The following NRG1 variants were observed in gnomAD, a reference collection of about 807,000 sequenced individuals.
The protein encoded by NRG1 is pro-neuregulin-1, membrane-bound isoform.
In NRG1, 18 loss-of-function variants were observed where a neutral mutation model predicts 63.8. That is an observed-to-expected ratio of 0.28 (90% CI 0.19 to 0.42). The LOEUF (loss-of-function observed/expected upper bound fraction) is 0.42, where lower values mean the gene tolerates loss of function less well. Among genes scored for constraint, NRG1 ranks in the 10% least tolerant of loss-of-function variants. NRG1 has a pLI of 1.00. For synonymous variants in NRG1, 302 were observed against 301.3 expected (o/e 1.00, Z -0.02); for missense variants, 762 against 814.7 (o/e 0.94, Z 0.79).
At chr8:31,889,741 A>C (rs1054228490) in intron 1 of NRG1, among the ~76,000 whole-genome samples, 2 of 152,208 alleles carry the variant, frequency 1.3e-5, no homozygotes, top group Non-Finnish European at 2.9e-5. Flanking sequence ...AACAATCTGC[A>C]TGGGAGGGCA....
intron 1 of NRG1, among the ~76,000 whole-genome samples, chr8:31,783,847 A>T (rs1819933299): frequency 6.6e-6 from 1 of 152,214 alleles, no homozygotes; most frequent in Non-Finnish European, 1.5e-5. Context: ...CATAATTGCT[A>T]AAAATATTAC....
chr8:32,128,535 G>A (rs375306796), intron 1 of NRG1, among the ~76,000 whole-genome samples: 4 of 151,946 alleles, frequency 2.6e-5, no homozygotes, highest in South Asian at 2.1e-4. Flanking sequence ...GAAGTTTCAC[G>A]TAAAATTACA....
chr8:32,700,400 A>T (rs1328119202), intron 5 of NRG1, among the ~76,000 whole-genome samples: 1 of 152,226 alleles, frequency 6.6e-6, no homozygotes. Context: ...CAAATGATCC[A>T]GTCAGGTCGA....
intron 1 of NRG1, among the ~76,000 whole-genome samples, chr8:31,791,983 T>C (rs1039293197): frequency 6.6e-6 from 1 of 151,968 alleles, no homozygotes; most frequent in African/African-American, 2.4e-5. Flanking sequence ...CTCCAAGGAG[T>C]TGTGATGGAA....
At chr8:32,513,844 T>A (rs1202526981) in intron 1 of NRG1, among the ~76,000 whole-genome samples, 1 of 152,158 alleles carries the variant, frequency 6.6e-6, no homozygotes, top group Non-Finnish European at 1.5e-5. Context: ...AGTATTGGTT[T>A]TGCAGTTTTA....
At chr8:32,595,267 G>A (rs1009896960) in intron 1 of NRG1, among the ~76,000 whole-genome samples, 3 of 151,938 alleles carry the variant, frequency 2.0e-5, no homozygotes, top group Admixed American at 2.0e-4. Flanking sequence ...ATGGCTCACT[G>A]CAGCATTGAC....
At chr8:31,706,503 T>C (rs778301102) in intron 1 of NRG1, among the ~76,000 whole-genome samples, 3 of 152,206 alleles carry the variant, frequency 2.0e-5, no homozygotes, top group Non-Finnish European at 4.4e-5. Flanking sequence ...TTTGATATTA[T>C]AAACAATACT....
chr8:32,272,965 C>T (rs1276953645), intron 1 of NRG1, among the ~76,000 whole-genome samples: 3 of 152,152 alleles, frequency 2.0e-5, no homozygotes, highest in Non-Finnish European at 4.4e-5. Context: ...GTTCAGAGGG[C>T]TGGAGCGTTG....
chr8:32,750,840 A>C (rs1183597422), intron 7 of NRG1, among the ~76,000 whole-genome samples: 2 of 151,796 alleles, frequency 1.3e-5, no homozygotes, highest in African/African-American at 4.8e-5. Context: ...GAGCACCTCT[A>C]TTACTAGGGA....
At chr8:32,122,758 A>G (rs1039151831) in intron 1 of NRG1, among the ~76,000 whole-genome samples, 11 of 151,678 alleles carry the variant, frequency 7.3e-5, no homozygotes, top group Non-Finnish European at 5.9e-5. Flanking sequence ...ATATCTCCCA[A>G]TGCTATCCCT....
At chr8:32,156,408 C>G (rs763696794) in intron 1 of NRG1, among the ~76,000 whole-genome samples, 2 of 152,144 alleles carry the variant, frequency 1.3e-5, no homozygotes, top group Non-Finnish European at 2.9e-5. Flanking sequence ...TCATGTCATA[C>G]TTTTTAGATT....
chr8:32,260,308 AT>A (rs1850224423), intron 1 of NRG1, among the ~76,000 whole-genome samples: 1 of 152,216 alleles, frequency 6.6e-6, no homozygotes, highest in Admixed American at 6.5e-5. Context: ...GTCCTAGATA[AT>A]TTTGAAGTCT....
At chr8:31,855,938 GC>G (rs1289943831) in intron 1 of NRG1, among the ~76,000 whole-genome samples, 40 of 151,588 alleles carry the variant, frequency 2.6e-4, no homozygotes, top group Non-Finnish European at 4.7e-4. Context: ...TTGAATATTG[GC>G]CCCCACTCTC....
intron 1 of NRG1, among the ~76,000 whole-genome samples, chr8:32,006,028 C>G (rs1813714997): frequency 6.6e-6 from 1 of 151,968 alleles, no homozygotes; most frequent in Admixed American, 6.6e-5. Flanking sequence ...TTTTCATACT[C>G]TGGAAACATG....
intron 5 of NRG1, among the ~76,000 whole-genome samples, chr8:32,668,960 TAGAG>T (rs1185673677): frequency 1.3e-5 from 2 of 152,218 alleles, no homozygotes; most frequent in Non-Finnish European, 2.9e-5. Flanking sequence ...TGTTCCTTGA[TAGAG>T]AGTGTTCTCT....
chr8:31,662,266 T>C (rs1299017003), intron 1 of NRG1, among the ~76,000 whole-genome samples: 2 of 152,196 alleles, frequency 1.3e-5, no homozygotes, highest in Admixed American at 6.5e-5. Flanking sequence ...TTGTGCACTT[T>C]TCTTCATACA....
chr8:31,976,798 T>A (rs1406947587), intron 1 of NRG1, among the ~76,000 whole-genome samples: 1 of 152,162 alleles, frequency 6.6e-6, no homozygotes, highest in Admixed American at 6.5e-5. Flanking sequence ...AAGCTGTGTT[T>A]GTATTGCTGC....
chr8:31,971,027 G>C (rs112130205), intron 1 of NRG1, among the ~76,000 whole-genome samples: 4 of 150,764 alleles, frequency 2.7e-5, no homozygotes, highest in African/African-American at 9.9e-5. Context: ...CTGGGCAACA[G>C]AGTGAGACTC....
At position 31,899,738 on chromosome 8, in the gene NRG1, C is replaced by T. The variant is rs554927196; in HGVS notation, c.37+260307C>T. Among the ~76,000 whole-genome samples the T allele has an allele frequency of 2.0e-5, 3 of 152,096 alleles. No homozygotes were observed. The South Asian group carries it at 6.2e-4, about 32-fold the overall frequency. Reference sequence around the variant, plus strand: ...GTAGAAAAGAAATATGAATAATGGCCATCATAATTATTCCATTATAAAAAC... The same window carrying T: ...GTAGAAAAGAAATATGAATAATGGCTATCATAATTATTCCATTATAAAAAC... On this transcript the variant is annotated intron_variant, in intron 1 of 10. Transcript: ENST00000519301.
Sources: gnomAD v4.1 joint callset for allele counts (sites outside exome capture counted in the v4.1 genomes callset) on GRCh38, gnomAD v4.1.1 for gene constraint, MANE v1.5 for transcripts, NCBI Gene and HGNC (gene_info 2026-07-23, HGNC 2026-07-21) for gene names.